COPZ2: variants seen among roughly 807,000 people sequenced by gnomAD.
The protein encoded by COPZ2 is coat protein complex I subunit zeta 2.
In COPZ2, 30 loss-of-function variants were observed where a neutral mutation model predicts 33.2. That is an observed-to-expected ratio of 0.90 (90% confidence interval 0.68 to 1.23). COPZ2 has a LOEUF of 1.23. COPZ2 is among the 50% of genes most tolerant of loss of function. The probability of loss-of-function intolerance (pLI) is 0.00; values close to 1 mark genes in which losing one functional copy is unlikely to be tolerated. For synonymous variants in COPZ2, 89 were observed against 102.6 expected, an observed-to-expected ratio of 0.87 and a Z score of 0.80; for missense variants, 263 against 262.4, an observed-to-expected ratio of 1.00 and a Z score of -0.02.
At chr17:48,033,139 A>C in intron 4 of COPZ2, 72 bp downstream of exon 4, 1 of 1,093,434 alleles carries the variant, frequency 9.1e-7, no homozygotes, top group South Asian at 1.3e-5. Flanking sequence ...TCCCAGCCTC[A>C]AGCCCAGATT....
chr17:48,032,409 C>T (rs1050922325), intron 5 of COPZ2, among the ~76,000 whole-genome samples, 176 bp from the exon 6 acceptor site: 2 of 152,198 alleles, frequency 1.3e-5, no homozygotes, highest in Non-Finnish European at 2.9e-5. Context: ...CATTTCTGAG[C>T]AAAGGGCAGT....
At position 48,032,247 on chromosome 17, in the gene COPZ2, C is replaced by G; in HGVS notation, c.417-14G>C. 1 of 1,608,946 alleles carries G rather than the reference C, an allele frequency of 6.2e-7. No homozygotes were observed. The highest frequency in any genetic ancestry group is 2.2e-5 in the East Asian group (1 of 44,738). On this transcript the variant is annotated splice_polypyrimidine_tract_variant and intron_variant, in intron 5 of 8. Coordinates refer to ENST00000621465, the MANE Select transcript of COPZ2 (RefSeq NM_016429.4). ...TCCACGTTCTTCCTGAAGGTGGACA[C>G]AAGCTCCTGAGCCTCCCTGTGGCTG...
chr17:48,047,463 T>C, the COPZ2 span: 1 of 152,276 alleles, frequency 6.6e-6, no homozygotes, highest in African/African-American at 2.4e-5. Context: ...AACTAACGTT[T>C]GAGAGTCACA....
chr17:48,042,470 T>TC (rs2037071771), upstream of COPZ2, among the ~76,000 whole-genome samples: 1 of 148,196 alleles, frequency 6.7e-6, no homozygotes. Context: ...TTACATCTTT[T>TC]CTTTTTTTTG....
At chr17:48,027,783 G>C (rs775035979) in intron 8 of COPZ2, 4 of 152,350 alleles carry the variant, frequency 2.6e-5, no homozygotes, top group Admixed American at 2.0e-4. Flanking sequence ...AGTCTGAGCA[G>C]AGAGACCTGC....
At chr17:48,043,113 TG>T in the COPZ2 span, among the ~76,000 whole-genome samples, 3 of 152,174 alleles carry the variant, frequency 2.0e-5, no homozygotes, top group Non-Finnish European at 4.4e-5. Flanking sequence ...GAAGCCAAGT[TG>T]GGTTCAAAAA....
At chr17:48,039,481 AAAAG>A (rs1352937885), upstream of COPZ2, among the ~76,000 whole-genome samples, 54 of 151,724 alleles carry the variant, frequency 3.6e-4, no homozygotes, top group African/African-American at 1.3e-3. Flanking sequence ...AAAAAAAAAA[AAAAG>A]AAGAAGAAGA....
chr17:48,043,391 A>T, the COPZ2 span: 1 of 377,954 alleles, frequency 2.6e-6, no homozygotes, highest in Non-Finnish European at 3.6e-6. Flanking sequence ...CTAGGATTTC[A>T]GCATCTGTTC....
rs1283554462 is a variant in COPZ2 at position 48,032,158 on chromosome 17, G to T, written c.492C>A (p.Gly164=). The change falls in exon 6 of 9, where the codon GGC becomes GGA. Residue 164 remains glycine (G), a splice_region_variant and synonymous_variant. Coordinates refer to ENST00000621465, the MANE Select transcript of COPZ2 (RefSeq NM_016429.4). ...AFLVLDEIVD[G]GVILESDPQQ... ...GTCCCTGACTGTCCCCTCCTCACCC[G>T]CCATCCACAATCTCGTCCAGCACCA... 6 of 1,612,078 alleles carry T rather than the reference G, an allele frequency of 3.7e-6. No individual in the cohort carries two copies. Among genetic ancestry groups the T allele is most frequent in the Non-Finnish European group, 5.1e-6 (6 of 1,178,950 alleles).
the COPZ2 span, among the ~76,000 whole-genome samples, chr17:48,044,385 T>G: frequency 6.6e-6 from 1 of 150,394 alleles, no homozygotes; most frequent in Admixed American, 6.7e-5. Flanking sequence ...TGTGTTCCCG[T>G]ATTACCACAA....
Position 48,026,436 on chromosome 17 carries a change from A to G in COPZ2, c.625T>C (p.Leu209=), listed in dbSNP as rs2036817723. The G allele has an allele frequency of 1.9e-6, 3 of 1,613,072 alleles. No individual in the cohort carries two copies. Among genetic ancestry groups the G allele is most frequent in the South Asian group, 1.1e-5 (1 of 91,078 alleles). Residue 209 remains leucine, a synonymous_variant, in exon 9 of 9, where the codon TTG becomes CTG. Coordinates refer to ENST00000621465, the MANE Select transcript of COPZ2 (RefSeq NM_016429.4). Reference sequence around the variant, plus strand: ...CCTTGAATCCACAGCCTTCATTTCAATAACGACCATTTAATTTGTTCCTTG... The same window carrying G: ...CCTTGAATCCACAGCCTTCATTTCAGTAACGACCATTTAATTTGTTCCTTG... ...SAKEQIKWSL[L]K
rs769310580 is a variant in COPZ2, at chr17:48,037,127, C to T, written c.112-202G>A. The stretch of plus-strand genomic sequence containing the variant: ...TCCCAGGCAGATGTTCCACTGCAGG[C>T]CCCGAGTGGGCGCTGTGCCCGTTGG... On this transcript the variant is annotated intron_variant, in intron 1 of 8. Transcript: ENST00000621465. The surrounding 1 kb of genome is among the most constrained non-coding windows in gnomAD (Gnocchi z 5.6). 3.9e-6 allele frequency: 3 copies of T among 766,356 alleles called. No homozygotes were observed. Among genetic ancestry groups the T allele is most frequent in the Non-Finnish European group, 7.3e-6 (3 of 411,358 alleles). 47.5% of individuals were successfully genotyped at this position (766,356 alleles called of 1,614,324 possible).
At chr17:48,039,869 T>G (rs1314023658), upstream of COPZ2, among the ~76,000 whole-genome samples, 1 of 152,040 alleles carries the variant, frequency 6.6e-6, no homozygotes, top group Non-Finnish European at 1.5e-5. Context: ...CGCCTGTAAT[T>G]CCAGCTCTTT....
rs1482084639 is a variant in COPZ2 at position 48,026,206 on chromosome 17, C to T, written c.*222G>A. On this transcript the variant is annotated 3_prime_UTR_variant, in exon 9 of 9. Coordinates refer to ENST00000621465, the MANE Select transcript of COPZ2 (RefSeq NM_016429.4). Reference sequence around the variant, plus strand: ...AAGCAGGTTTATTAGGGCCCTGGGGCCAGGAATGCCTAAGATATGAGTTAA... The same window carrying T: ...AAGCAGGTTTATTAGGGCCCTGGGGTCAGGAATGCCTAAGATATGAGTTAA... 1 of 543,012 alleles carries T rather than the reference C, an allele frequency of 1.8e-6. No homozygotes were observed. The highest frequency in any genetic ancestry group is 1.9e-5 in the African/African-American group (1 of 52,958). 33.6% of individuals were successfully genotyped at this position (543,012 alleles called of 1,614,324 possible).
At position 48,026,476 on chromosome 17, in the gene COPZ2, C is replaced by A; in HGVS notation, c.586-1G>T. ...TTTGTTCCTTGGCAGACTGAAGAAC[C>A]TGGGGTGGGGTGGGGGAGGTTGAGA... is the stretch of plus-strand genomic sequence containing the variant. On this transcript the variant is annotated splice_acceptor_variant, in intron 8 of 8. Coordinates refer to ENST00000621465, the MANE Select transcript of COPZ2 (RefSeq NM_016429.4). LOFTEE classifies it high-confidence loss of function. 6.2e-7 allele frequency: 1 copy of A among 1,606,386 alleles called. No individual in the cohort carries two copies. Among genetic ancestry groups the A allele is most frequent in the Non-Finnish European group, 8.5e-7 (1 of 1,173,252 alleles).
At chr17:48,039,198 C>G (rs2037035991), upstream of COPZ2, among the ~76,000 whole-genome samples, 2 of 151,838 alleles carry the variant, frequency 1.3e-5, no homozygotes, top group Admixed American at 1.3e-4. Flanking sequence ...AGTCTGGGCT[C>G]AATGGCTCAC....
chr17:48,040,264 G>C (rs1375556015), upstream of COPZ2, among the ~76,000 whole-genome samples: 3 of 151,742 alleles, frequency 2.0e-5, no homozygotes, highest in Non-Finnish European at 2.9e-5. Flanking sequence ...TTAAAGGCAG[G>C]GTCTTGCTGT....
the COPZ2 span, chr17:48,047,457 A>T: frequency 2.0e-5 from 3 of 152,170 alleles, no homozygotes; most frequent in African/African-American, 7.2e-5. Context: ...GGAGTAAACT[A>T]ACGTTTGAGA....
In COPZ2 at chr17:48,037,207, C is replaced by G. The variant is rs769427301; in HGVS notation, c.112-282G>C. The G allele has an allele frequency of 2.1e-5, 14 of 671,076 alleles. No homozygotes were observed. Among genetic ancestry groups the G allele is most frequent in the Non-Finnish European group, 2.0e-5 (7 of 353,452 alleles). 41.6% of individuals were successfully genotyped at this position (671,076 alleles called of 1,614,324 possible). On this transcript the variant is annotated intron_variant, in intron 1 of 8. Transcript: ENST00000621465. This position sits in a 1 kb window ranked among gnomAD's most constrained non-coding sequence, Gnocchi z 5.6. ...TGTCATGCACTGACTGCTCCAGAGC[C>G]CGAGTCGGAGTGTATCACAGAACCT...
Sources: gnomAD v4.1 joint callset for allele counts (sites outside exome capture counted in the v4.1 genomes callset) on GRCh38, gnomAD v4.1.1 for gene constraint, Gnocchi (gnomAD v3.1) non-coding constraint, MANE v1.5 for transcripts, NCBI Gene and HGNC (gene_info 2026-07-23, HGNC 2026-07-21) for gene names.